ADAMTSL1: variants seen among roughly 807,000 people sequenced by gnomAD.
ADAMTSL1 encodes ADAMTS like 1.
A neutral mutation model predicts 201.8 loss-of-function variants in ADAMTSL1; 126 were observed. The ratio of observed to expected loss-of-function variants is 0.62; its 90% CI spans 0.54 to 0.72. ADAMTSL1 has a LOEUF of 0.72. Among genes scored for constraint, ADAMTSL1 ranks in the 30% least tolerant of loss-of-function variants. The pLI, the probability that ADAMTSL1 is intolerant of heterozygous loss-of-function variation, is 0.00. For missense variants in ADAMTSL1, 2,679 were observed against 2,277.8 expected (o/e 1.18, Z -3.59); for synonymous variants, 1,121 against 903.4 (o/e 1.24, Z -4.32).
intron 1 of ADAMTSL1, among the ~76,000 whole-genome samples, chr9:18,500,512 C>T (rs943911228): frequency 1.3e-5 from 2 of 152,184 alleles, no homozygotes; most frequent in African/African-American, 4.8e-5. Flanking sequence ...TCCAACACTA[C>T]ATTTAAAGGT....
chr9:18,674,215 C>T (rs1267863364), intron 9 of ADAMTSL1, among the ~76,000 whole-genome samples: 3 of 145,172 alleles, frequency 2.1e-5, no homozygotes, highest in Admixed American at 1.4e-4. Context: ...CACACACACA[C>T]ACACACAAAC....
At chr9:18,674,051 A>G (rs1184780924) in intron 9 of ADAMTSL1, among the ~76,000 whole-genome samples, 1 of 132,378 alleles carries the variant, frequency 7.6e-6, no homozygotes, top group African/African-American at 2.9e-5. Flanking sequence ...GAAGGTAGAA[A>G]AAAATGGGAT....
intron 1 of ADAMTSL1, among the ~76,000 whole-genome samples, chr9:17,989,694 T>C (rs1819072095): frequency 6.6e-6 from 1 of 152,032 alleles, no homozygotes; most frequent in Admixed American, 6.6e-5. Flanking sequence ...TTTTAAAATA[T>C]TTGCCACTTT....
At chr9:17,954,528 A>G (rs1035924605) in intron 1 of ADAMTSL1, among the ~76,000 whole-genome samples, 1 of 152,234 alleles carries the variant, frequency 6.6e-6, no homozygotes, top group African/African-American at 2.4e-5. Flanking sequence ...TACCTGCATG[A>G]CATTTTCAAT....
chr9:18,652,449 A>G (rs35642330), intron 7 of ADAMTSL1, among the ~76,000 whole-genome samples: 17,759 of 151,864 alleles, frequency 0.12, 1,314 homozygotes, highest in Non-Finnish European at 0.16. Context: ...TTGAAATACA[A>G]TTAGTCCTCT....
intron 1 of ADAMTSL1, among the ~76,000 whole-genome samples, chr9:18,046,134 G>T (rs1040110639): frequency 1.3e-5 from 2 of 152,116 alleles, no homozygotes; most frequent in African/African-American, 4.8e-5. Context: ...GCAAGTTGAG[G>T]CTAAATTGTG....
chr9:18,061,219 G>C (rs912255282), intron 1 of ADAMTSL1, among the ~76,000 whole-genome samples: 1 of 152,198 alleles, frequency 6.6e-6, no homozygotes, highest in African/African-American at 2.4e-5. Context: ...ACATTAGACA[G>C]GTCACTTAGC....
At chr9:18,289,496 T>C (rs887293020) in intron 2 of ADAMTSL1, among the ~76,000 whole-genome samples, 5 of 152,146 alleles carry the variant, frequency 3.3e-5, no homozygotes, top group African/African-American at 7.2e-5. Context: ...CAGCCAACCA[T>C]AGGAATCAGA....
intron 2 of ADAMTSL1, among the ~76,000 whole-genome samples, chr9:18,264,070 C>G (rs1451610916): frequency 1.3e-5 from 2 of 152,158 alleles, no homozygotes; most frequent in Non-Finnish European, 2.9e-5. Flanking sequence ...TTAGCTACCT[C>G]CTACATTCTG....
chr9:17,965,424 A>C (rs1317129859), intron 1 of ADAMTSL1, among the ~76,000 whole-genome samples: 1 of 152,316 alleles, frequency 6.6e-6, no homozygotes, highest in South Asian at 2.1e-4. Flanking sequence ...CATTCATTAA[A>C]TACTGAATTT....
chr9:18,013,158 A>G (rs1820124565), intron 1 of ADAMTSL1, among the ~76,000 whole-genome samples: 2 of 152,050 alleles, frequency 1.3e-5, no homozygotes, highest in Non-Finnish European at 2.9e-5. Context: ...AATATAATAG[A>G]GTAAAAATTG....
rs570437747 is a variant in ADAMTSL1, at chr9:18,851,725, T to C, written c.4249+21748T>C. Among the ~76,000 whole-genome samples, 127 of 152,308 alleles carry C rather than the reference T, an allele frequency of 8.3e-4. 1 individual carries two copies. Among genetic ancestry groups the C allele is most frequent in the African/African-American group, 2.9e-3 (122 of 41,572 alleles). ...AGCATGAGCAGTGGCCTGTCAACAC[T>C]TGGGAAGGGCCACGTGTATAGTGTG... is the stretch of plus-strand genomic sequence containing the variant. On this transcript the variant is annotated intron_variant, in intron 23 of 28. Transcript: ENST00000380548.
chr9:18,283,592 T>C (rs1287857704), intron 2 of ADAMTSL1, among the ~76,000 whole-genome samples: 1 of 105,620 alleles, frequency 9.5e-6, no homozygotes, highest in Non-Finnish European at 1.8e-5. Context: ...GTTGAAGGAA[T>C]GAGAAACTGT....
At chr9:17,955,579 C>T (rs967607147) in intron 1 of ADAMTSL1, among the ~76,000 whole-genome samples, 57 of 152,200 alleles carry the variant, frequency 3.7e-4, no homozygotes, top group Admixed American at 6.5e-5. Flanking sequence ...TACACCACTT[C>T]TGAGTAGCAT....
intron 2 of ADAMTSL1, among the ~76,000 whole-genome samples, chr9:18,178,925 G>GA (rs1425938454): frequency 6.6e-6 from 1 of 151,822 alleles, no homozygotes; most frequent in Non-Finnish European, 1.5e-5. Flanking sequence ...CAAAGATGGG[G>GA]AAAAAACAGA....
intron 1 of ADAMTSL1, among the ~76,000 whole-genome samples, chr9:18,107,804 G>T (rs761356124): frequency 6.6e-6 from 1 of 152,094 alleles, no homozygotes; most frequent in Non-Finnish European, 1.5e-5. Flanking sequence ...TGGAAGGCAG[G>T]TATATAACCT....
At chr9:18,560,533 T>A (rs1467529445) in intron 3 of ADAMTSL1, among the ~76,000 whole-genome samples, 8 of 152,096 alleles carry the variant, frequency 5.3e-5, no homozygotes, top group Non-Finnish European at 1.0e-4. Flanking sequence ...ATAAAATGAG[T>A]TAGGGAGGAG....
intron 2 of ADAMTSL1, among the ~76,000 whole-genome samples, chr9:18,457,950 G>T (rs1820669917): frequency 1.3e-5 from 2 of 152,160 alleles, no homozygotes; most frequent in Non-Finnish European, 2.9e-5. Flanking sequence ...ACTGAATAGG[G>T]GTTATACCTG....
chr9:18,121,822 C>T (rs1825509314), intron 1 of ADAMTSL1, among the ~76,000 whole-genome samples: 1 of 152,124 alleles, frequency 6.6e-6, no homozygotes, highest in South Asian at 2.1e-4. Context: ...ATTTCTGCTA[C>T]TTGTATACTA....
Sources: gnomAD v4.1 joint callset for allele counts (sites outside exome capture counted in the v4.1 genomes callset) on GRCh38, gnomAD v4.1.1 for gene constraint, MANE v1.5 for transcripts, NCBI Gene and HGNC (gene_info 2026-07-23, HGNC 2026-07-21) for gene names.